RAB1A: variants seen among roughly 807,000 people sequenced by gnomAD.
RAB1A encodes the protein RAB1A, member RAS oncogene family.
A neutral mutation model predicts 26.0 loss-of-function variants in RAB1A; 2 were observed. The ratio of observed to expected loss-of-function variants is 0.08; its 90% CI spans 0.03 to 0.24. The LOEUF is 0.24. RAB1A is among the 10% of genes least tolerant of loss of function. RAB1A has a pLI of 1.00. For missense variants in RAB1A, 100 were observed against 247.0 expected (o/e 0.40, Z 3.99); for synonymous variants, 84 against 84.9 (o/e 0.99, Z 0.06).
At chr2:65,091,137 T>C in intron 3 of RAB1A, 59 bp from the exon 4 acceptor site, 1 of 1,335,500 alleles carries the variant, frequency 7.5e-7, no homozygotes. Flanking sequence ...TGGGGAAAAG[T>C]GTAGGAGGGA....
chr2:65,094,619 A>C (rs1041553971), intron 3 of RAB1A, among the ~76,000 whole-genome samples: 9 of 151,944 alleles, frequency 5.9e-5, no homozygotes, highest in African/African-American at 2.2e-4. Context: ...AAAAACAAGC[A>C]AATCAAAAAC....
intron 1 of RAB1A, among the ~76,000 whole-genome samples, chr2:65,118,091 A>G (rs1358223469): frequency 1.3e-5 from 2 of 152,328 alleles, no homozygotes; most frequent in East Asian, 3.9e-4. Flanking sequence ...GAAATAATGT[A>G]CACACACAAA....
At chr2:65,109,639 G>A (rs1434437267) in intron 1 of RAB1A, among the ~76,000 whole-genome samples, 1 of 151,890 alleles carries the variant, frequency 6.6e-6, no homozygotes, top group African/African-American at 2.4e-5. Flanking sequence ...GGACCCAGGA[G>A]GCGGAGGTTG....
chr2:65,099,113 A>C (rs1669359053), intron 2 of RAB1A, among the ~76,000 whole-genome samples: 1 of 152,208 alleles, frequency 6.6e-6, no homozygotes, highest in African/African-American at 2.4e-5. Flanking sequence ...CTGGGATTAC[A>C]GGTGTGAGCC....
intron 1 of RAB1A, among the ~76,000 whole-genome samples, chr2:65,107,340 C>T (rs1669584475): frequency 6.6e-6 from 1 of 152,100 alleles, no homozygotes; most frequent in African/African-American, 2.4e-5. Flanking sequence ...GCTGGGAGTA[C>T]AGGCATGAGC....
chr2:65,127,342 T>G lies in RAB1A; in HGVS notation c.23+2551A>C, dbSNP rs565512694. On this transcript the variant is annotated intron_variant, in intron 1 of 5. Transcript: ENST00000409784. ...TCTATAAAGTCTTCCAAAACCCAGA[T>G]AGCCAACCACAACCCACCATCCCCC... Among the ~76,000 whole-genome samples, 13 of 152,304 alleles carry G rather than the reference T, an allele frequency of 8.5e-5. No homozygotes were observed. The South Asian group carries it at 1.9e-3, about 22-fold the overall frequency.
intron 1 of RAB1A, among the ~76,000 whole-genome samples, chr2:65,116,113 C>T (rs1037685254): frequency 2.0e-5 from 3 of 151,950 alleles, no homozygotes; most frequent in Non-Finnish European, 2.9e-5. Flanking sequence ...GCTGATATCA[C>T]GCCACTGCAC....
intron 1 of RAB1A, among the ~76,000 whole-genome samples, chr2:65,121,235 G>GAA (rs34280362): frequency 0.019 from 1,771 of 91,138 alleles, 78 homozygotes; most frequent in African/African-American, 0.057. Flanking sequence ...ATCATGTCTC[G>GAA]AAAAAAAAAA....
chr2:65,120,127 C>A (rs1669926341), intron 1 of RAB1A, among the ~76,000 whole-genome samples: 1 of 152,100 alleles, frequency 6.6e-6, no homozygotes, highest in East Asian at 1.9e-4. Context: ...TTTCATCTAA[C>A]CCACTTTAAG....
chr2:65,093,669 C>T (rs1361976623), intron 3 of RAB1A, among the ~76,000 whole-genome samples: 1 of 148,418 alleles, frequency 6.7e-6, no homozygotes, highest in Non-Finnish European at 1.5e-5. Context: ...TGTCACCAGG[C>T]TGGAGTGCAA....
chr2:65,091,815 A>G (rs936965727), intron 3 of RAB1A, among the ~76,000 whole-genome samples: 3 of 152,194 alleles, frequency 2.0e-5, no homozygotes, highest in African/African-American at 4.8e-5. Flanking sequence ...ATGAGCCACC[A>G]TGCCTGGCTA....
At position 65,104,780 on chromosome 2, in the gene RAB1A, A is replaced by T; in HGVS notation, c.50T>A (p.Ile17Asn). The T allele has an allele frequency of 6.2e-7, 1 of 1,608,140 alleles. No individual in the cohort carries two copies. Among genetic ancestry groups the T allele is most frequent in the Non-Finnish European group, 8.5e-7 (1 of 1,176,182 alleles). ...AGACTTTCCAACCCCTGAGTCGCCAATCAGAAGTAACTTGAATAAATAATC... is the reference window on the plus strand; with the variant it reads ...AGACTTTCCAACCCCTGAGTCGCCATTCAGAAGTAACTTGAATAAATAATC... ...EYDYLFKLLL[I>N]GDSGVGKSCL... is the part of the protein sequence containing the mutation. The change falls in exon 2 of 6, where the codon ATT becomes AAT. Residue 17 changes from isoleucine to asparagine, a missense_variant. Physicochemically the swap from Ile to Asn is moderately radical, Grantham distance 149. Coordinates refer to ENST00000409784, the MANE Select transcript of RAB1A (RefSeq NM_004161.5).
At chr2:65,106,366 AATT>A (rs781455690) in intron 1 of RAB1A, 1 of 332,386 alleles carries the variant, frequency 3.0e-6, no homozygotes, top group South Asian at 2.3e-5. Flanking sequence ...TTTAGATTAA[AATT>A]ATTTACATGT....
chr2:65,114,702 G>A (rs540563369), intron 1 of RAB1A, among the ~76,000 whole-genome samples: 9 of 152,126 alleles, frequency 5.9e-5, no homozygotes, highest in African/African-American at 9.6e-5. Context: ...AAAATTAGCC[G>A]GGCGCGGTGG....
intron 1 of RAB1A, among the ~76,000 whole-genome samples, chr2:65,108,888 T>C (rs1669625788): frequency 6.6e-6 from 1 of 152,182 alleles, no homozygotes; most frequent in Admixed American, 6.6e-5. Flanking sequence ...ATATGAAGAA[T>C]TGAGTGCTCT....
In RAB1A at chr2:65,087,921, GTT is replaced by G. The variant is rs1451657289; in HGVS notation, c.*570_*571del. On this transcript the variant is annotated 3_prime_UTR_variant, in exon 6 of 6. Coordinates refer to ENST00000409784, the MANE Select transcript of RAB1A (RefSeq NM_004161.5). ...ATATTTATTAAACATATCTTCAGTT[GTT>G]TTGTTACATAGTGTGCAACAAATTA... 1 of 152,650 alleles carries G rather than the reference GTT, an allele frequency of 6.6e-6. No homozygotes were observed. Among genetic ancestry groups the G allele is most frequent in the African/African-American group, 2.4e-5 (1 of 41,438 alleles). 9.5% of individuals were successfully genotyped at this position (152,650 alleles called of 1,614,324 possible).
chr2:65,088,242 C>T lies in RAB1A; in HGVS notation c.*251G>A. On this transcript the variant is annotated 3_prime_UTR_variant, in exon 6 of 6. Coordinates refer to ENST00000409784, the MANE Select transcript of RAB1A (RefSeq NM_004161.5). Reference sequence around the variant, plus strand: ...AAACAGTCTGGTATCAGGAAAGCAACAAGGATTACACACATTATTTTATAA... The same window carrying T: ...AAACAGTCTGGTATCAGGAAAGCAATAAGGATTACACACATTATTTTATAA... 1 of 383,484 alleles carries T rather than the reference C, an allele frequency of 2.6e-6. No individual in the cohort carries two copies. Among genetic ancestry groups the T allele is most frequent in the Non-Finnish European group, 4.6e-6 (1 of 215,832 alleles). The allele number at this position is 383,484 out of a possible 1,614,324, so 23.8% of individuals were successfully genotyped here.
chr2:65,096,401 C>T (rs1378061441), intron 3 of RAB1A, among the ~76,000 whole-genome samples: 1 of 152,080 alleles, frequency 6.6e-6, no homozygotes, highest in Non-Finnish European at 1.5e-5. Context: ...GAAAGACAGA[C>T]AAAGATGAAA....
At chr2:65,109,260 G>A (rs1209207716) in intron 1 of RAB1A, among the ~76,000 whole-genome samples, 5 of 152,082 alleles carry the variant, frequency 3.3e-5, no homozygotes, top group Admixed American at 1.3e-4. Context: ...CAGAATTTTG[G>A]TACAAAGAGC....
Sources: allele counts gnomAD v4.1 joint callset (sites outside exome capture counted in the v4.1 genomes callset), GRCh38; gene constraint gnomAD v4.1.1; transcripts MANE v1.5; gene names NCBI Gene and HGNC (gene_info 2026-07-23, HGNC 2026-07-21).